The following KCNMA1 variants were observed in gnomAD, a reference collection of about 807,000 sequenced individuals.
KCNMA1 encodes Calcium-activated potassium channel subunit alpha-1.
Under a neutral mutation model 140.0 loss-of-function variants are expected in KCNMA1, and 29 were observed. The observed-to-expected ratio is 0.21, with a 90% CI of 0.15 to 0.28. The LOEUF (loss-of-function observed/expected upper bound fraction) is 0.28. KCNMA1 is among the 10% of genes least tolerant of loss of function. KCNMA1 has a pLI of 1.00. For synonymous variants in KCNMA1, 612 were observed against 611.9 expected, an observed-to-expected ratio of 1.00 and a Z score of 0.00; for missense variants, 880 against 1,602.2, an observed-to-expected ratio of 0.55 and a Z score of 7.70.
At chr10:76,988,357 A>G (rs1281552573) in intron 19 of KCNMA1, among the ~76,000 whole-genome samples, 1 of 152,088 alleles carries the variant, frequency 6.6e-6, no homozygotes, top group Non-Finnish European at 1.5e-5. Context: ...TGAAGTCTCA[A>G]CACCAACTGG....
intron 5 of KCNMA1, among the ~76,000 whole-genome samples, chr10:77,182,227 T>C (rs999972092): frequency 2.0e-5 from 3 of 152,222 alleles, no homozygotes; most frequent in African/African-American, 7.2e-5. Context: ...CAGTGTTTAT[T>C]AAACCATTGT....
intron 3 of KCNMA1, among the ~76,000 whole-genome samples, chr10:77,231,266 G>A (rs150656103): frequency 4.6e-5 from 7 of 152,252 alleles, no homozygotes; most frequent in East Asian, 1.9e-4. Context: ...TCACTGATCC[G>A]TTTCCACTGA....
chr10:77,177,301 CTTTCT>C (rs2098759477), intron 5 of KCNMA1, among the ~76,000 whole-genome samples: 1 of 148,982 alleles, frequency 6.7e-6, no homozygotes, highest in Non-Finnish European at 1.5e-5. Flanking sequence ...TTCCTTCCTT[CTTTCT>C]TTTCTTTCCT....
At chr10:77,587,745 G>A in intron 1 of KCNMA1, 1 of 985,350 alleles carries the variant, frequency 1.0e-6, no homozygotes, top group Non-Finnish European at 1.2e-6. Context: ...TTTCCCAGGT[G>A]CTTTCATGTC....
At chr10:77,204,607 A>G (rs184104870) in intron 3 of KCNMA1, among the ~76,000 whole-genome samples, 2 of 152,304 alleles carry the variant, frequency 1.3e-5, no homozygotes, top group Admixed American at 1.3e-4. Context: ...AAAATAAATT[A>G]ATAAACCAAG....
chr10:76,922,397 T>A (rs747796830), intron 23 of KCNMA1, among the ~76,000 whole-genome samples: 1 of 151,976 alleles, frequency 6.6e-6, no homozygotes, highest in Non-Finnish European at 1.5e-5. Flanking sequence ...TTGTTGGGGG[T>A]GCAGGGAAGA....
chr10:77,393,112 C>T (rs1009721334), intron 2 of KCNMA1, among the ~76,000 whole-genome samples: 7 of 152,288 alleles, frequency 4.6e-5, no homozygotes, highest in Admixed American at 1.3e-4. Flanking sequence ...GCAAAGAGGA[C>T]GCAGCCTGGA....
At chr10:77,455,633 G>A (rs1247831392) in intron 1 of KCNMA1, among the ~76,000 whole-genome samples, 1 of 152,182 alleles carries the variant, frequency 6.6e-6, no homozygotes, top group East Asian at 1.9e-4. Flanking sequence ...AACTCAGGCA[G>A]GGCTTGAGGC....
At chr10:77,633,698 T>A (rs1310806387) in intron 1 of KCNMA1, among the ~76,000 whole-genome samples, 1 of 152,182 alleles carries the variant, frequency 6.6e-6, no homozygotes, top group African/African-American at 2.4e-5. Context: ...AACATCTCGA[T>A]AATTCATTAC....
At chr10:77,533,451 A>G (rs1470949058) in intron 1 of KCNMA1, among the ~76,000 whole-genome samples, 1 of 152,210 alleles carries the variant, frequency 6.6e-6, no homozygotes, top group Non-Finnish European at 1.5e-5. Flanking sequence ...ATTTGCAAAC[A>G]CAAGCCAAAC....
chr10:77,007,432 C>T lies in KCNMA1; in HGVS notation c.2092+4535G>A, dbSNP rs2089214321. Among the ~76,000 whole-genome samples the T allele has an allele frequency of 2.6e-5, 4 of 151,962 alleles. No homozygotes were observed. In the South Asian group the frequency reaches 8.3e-4, roughly 32 times the overall value. On this transcript the variant is annotated intron_variant, in intron 18 of 27. Coordinates refer to ENST00000286628, the MANE Select transcript of KCNMA1 (RefSeq NM_001161352.2). ...CATAGACTGCAGATAATAATTACCA[C>T]TGTGCAAATACTTGTCTCCAGTAAG...
At chr10:77,215,597 T>C (rs2047484559) in intron 3 of KCNMA1, among the ~76,000 whole-genome samples, 1 of 152,166 alleles carries the variant, frequency 6.6e-6, no homozygotes, top group South Asian at 2.1e-4. Context: ...AGGGCCAAGA[T>C]GAAAGCCAGG....
At chr10:77,083,343 T>C (rs1031571323) in intron 12 of KCNMA1, among the ~76,000 whole-genome samples, 12 of 152,104 alleles carry the variant, frequency 7.9e-5, no homozygotes, top group Admixed American at 1.3e-4. Context: ...CTACTGGGTT[T>C]ATGCAAGGAA....
chr10:77,012,747 G>T (rs1469093778), intron 17 of KCNMA1, among the ~76,000 whole-genome samples: 1 of 152,210 alleles, frequency 6.6e-6, no homozygotes, highest in Non-Finnish European at 1.5e-5. Flanking sequence ...CTGGAAGGGG[G>T]TGAGTAGAGC....
At chr10:77,516,670 G>T (rs1419729310) in intron 1 of KCNMA1, among the ~76,000 whole-genome samples, 1 of 152,238 alleles carries the variant, frequency 6.6e-6, no homozygotes, top group East Asian at 1.9e-4. Flanking sequence ...CTCCTCCTTT[G>T]CACGGTGGGC....
chr10:77,061,257 C>A (rs1430044435), intron 14 of KCNMA1, among the ~76,000 whole-genome samples: 2 of 151,780 alleles, frequency 1.3e-5, no homozygotes, highest in Non-Finnish European at 2.9e-5. Flanking sequence ...AGATTAGGGG[C>A]AAATATTTAC....
In KCNMA1 at chr10:76,944,865, G is replaced by A. The variant is rs2063500604; in HGVS notation, c.2810C>T (p.Ser937Leu). Residue 937 changes from serine to leucine, a missense_variant, in exon 23 of 28, where the codon TCG becomes TTG. By Grantham distance (145) the Ser-to-Leu change is moderately radical. This residue lies in a region of KCNMA1 where 5 missense variants were observed against 27.7 expected (regional missense o/e 0.18). Transcript: ENST00000286628. ...SANQNNIDDT[S>L]LQDKECILAS... ...CAAGATGCATTCCTTGTCCTGCAGC[G>A]AAGTATCATCAATATTATTCTGATT... 1 of 1,613,902 alleles carries A rather than the reference G, an allele frequency of 6.2e-7. No homozygotes were observed. Among genetic ancestry groups the A allele is most frequent in the African/African-American group, 1.3e-5 (1 of 74,912 alleles).
intron 1 of KCNMA1, among the ~76,000 whole-genome samples, chr10:77,624,019 C>T (rs1269192855): frequency 6.6e-6 from 1 of 152,010 alleles, no homozygotes; most frequent in Non-Finnish European, 1.5e-5. Flanking sequence ...GAGTTTTTTT[C>T]GGAGGTTACT....
chr10:77,582,466 G>A (rs1355778270), intron 1 of KCNMA1, among the ~76,000 whole-genome samples: 1 of 152,194 alleles, frequency 6.6e-6, no homozygotes, highest in African/African-American at 2.4e-5. Context: ...AATGCAAGCG[G>A]GGCTTAAAAC....
Sources: gnomAD v4.1 joint callset for allele counts (sites outside exome capture counted in the v4.1 genomes callset) on GRCh38, gnomAD v4.1.1 for gene constraint, gnomAD v4.1.1 regional missense constraint, MANE v1.5 for transcripts, NCBI Gene and HGNC (gene_info 2026-07-23, HGNC 2026-07-21) for gene names.